ENOX1: variants seen among roughly 807,000 people sequenced by gnomAD.
ENOX1 encodes candidate growth-related and time keeping constitutive hydroquinone (NADH) oxidase.
In ENOX1, 42 loss-of-function variants were observed where a neutral mutation model predicts 82.5. The observed-to-expected ratio is 0.51, with a 90% CI of 0.40 to 0.66. The LOEUF (loss-of-function observed/expected upper bound fraction) is 0.66. Among genes scored for constraint, ENOX1 ranks in the 30% least tolerant of loss-of-function variants. The pLI is 0.00. For synonymous variants in ENOX1, 271 were observed against 282.2 expected (o/e 0.96, Z 0.40); for missense variants, 608 against 811.6 (o/e 0.75, Z 3.05).
chr13:43,623,821 A>T (rs1028157818), intron 2 of ENOX1, among the ~76,000 whole-genome samples: 3 of 152,174 alleles, frequency 2.0e-5, no homozygotes, highest in African/African-American at 7.2e-5. Flanking sequence ...TTGTTTAACC[A>T]TTTGCCCATT....
intron 1 of ENOX1, among the ~76,000 whole-genome samples, chr13:43,760,345 A>AT (rs1566892011): frequency 2.0e-5 from 3 of 152,154 alleles, no homozygotes; most frequent in Non-Finnish European, 4.4e-5. Context: ...AATTTATACT[A>AT]TTTTCAGTGC....
At chr13:43,358,320 C>T (rs1319526648) in intron 7 of ENOX1, among the ~76,000 whole-genome samples, 1 of 152,034 alleles carries the variant, frequency 6.6e-6, no homozygotes, top group African/African-American at 2.4e-5. Flanking sequence ...CTGTGCAGGT[C>T]CACTTATAGG....
Position 43,236,735 on chromosome 13 carries a change from T to C in ENOX1, c.1615A>G (p.Ile539Val). ...NGHSHEDSNE[I>V]NVLTVALVNQ... ...ACTAATGCAACTGTCAACACATTGA[T>C]TTCCTATAAAGTTAAAAGCCAAAAA... is the stretch of plus-strand genomic sequence containing the variant. The change falls in exon 15 of 17, where the codon ATC becomes GTC. Residue 539 changes from isoleucine to valine, a missense_variant. Physicochemically the swap from Ile to Val is conservative, Grantham distance 29. Coordinates refer to ENST00000690772, the MANE Select transcript of ENOX1 (RefSeq NM_001347969.2). The C allele has an allele frequency of 6.4e-7, 1 of 1,568,790 alleles. No individual in the cohort carries two copies. The highest frequency in any genetic ancestry group is 2.2e-5 in the Admixed American group (1 of 46,294).
intron 5 of ENOX1, among the ~76,000 whole-genome samples, chr13:43,389,877 T>C (rs973174664): frequency 3.3e-5 from 5 of 152,202 alleles, no homozygotes; most frequent in African/African-American, 1.2e-4. Context: ...ATGGCTGTCC[T>C]ATTCTTCCCT....
intron 3 of ENOX1, among the ~76,000 whole-genome samples, chr13:43,423,279 C>A (rs1183085306): frequency 1.3e-5 from 2 of 151,840 alleles, no homozygotes; most frequent in East Asian, 3.9e-4. Flanking sequence ...CCAAAATACA[C>A]AGACCATAAA....
At chr13:43,586,301 TA>T (rs1221293229) in intron 2 of ENOX1, among the ~76,000 whole-genome samples, 1 of 152,230 alleles carries the variant, frequency 6.6e-6, no homozygotes, top group Non-Finnish European at 1.5e-5. Context: ...CTTTACCTGA[TA>T]AAATATCTTT....
At chr13:43,556,424 G>T (rs2079438404) in intron 2 of ENOX1, among the ~76,000 whole-genome samples, 1 of 152,108 alleles carries the variant, frequency 6.6e-6, no homozygotes, top group Admixed American at 6.5e-5. Context: ...TTGCTTTGCA[G>T]TCATACTGTT....
chr13:43,678,915 G>A (rs2085647212), intron 1 of ENOX1, among the ~76,000 whole-genome samples: 1 of 152,162 alleles, frequency 6.6e-6, no homozygotes, highest in Admixed American at 6.5e-5. Flanking sequence ...TATTTACAAT[G>A]ACTCAATTTC....
At chr13:43,305,044 G>A (rs900448229) in intron 11 of ENOX1, among the ~76,000 whole-genome samples, 1 of 152,110 alleles carries the variant, frequency 6.6e-6, no homozygotes, top group South Asian at 2.1e-4. Context: ...CAAAGACAAG[G>A]ACCAGTACCA....
chr13:43,588,407 T>G (rs2081089831), intron 2 of ENOX1, among the ~76,000 whole-genome samples: 1 of 152,232 alleles, frequency 6.6e-6, no homozygotes, highest in Non-Finnish European at 1.5e-5. Flanking sequence ...GTAATCGTCA[T>G]AACGCTTACA....
intron 2 of ENOX1, among the ~76,000 whole-genome samples, chr13:43,565,143 G>C (rs1448842791): frequency 1.3e-5 from 2 of 152,134 alleles, no homozygotes; most frequent in East Asian, 3.9e-4. Flanking sequence ...TCATGGGGTG[G>C]AAGGCCCCTC....
At chr13:43,522,651 G>T (rs1398153078) in intron 2 of ENOX1, among the ~76,000 whole-genome samples, 1 of 152,134 alleles carries the variant, frequency 6.6e-6, no homozygotes, top group Admixed American at 6.6e-5. Context: ...AGGGGGCCTG[G>T]CAGGCACAGT....
At chr13:43,317,034 C>T (rs2047539388) in intron 11 of ENOX1, among the ~76,000 whole-genome samples, 1 of 152,194 alleles carries the variant, frequency 6.6e-6, no homozygotes, top group Admixed American at 6.5e-5. Context: ...AGATGGTGCC[C>T]TCGGCTGTCA....
intron 8 of ENOX1, among the ~76,000 whole-genome samples, chr13:43,350,697 G>T (rs565839825): frequency 1.3e-5 from 2 of 152,078 alleles, no homozygotes; most frequent in Non-Finnish European, 2.9e-5. Context: ...CACCCATCTC[G>T]GCCTCCCAAA....
intron 3 of ENOX1, among the ~76,000 whole-genome samples, chr13:43,415,232 G>GTTTTTTTTTTTTTTTTTTTTT (rs71202260): frequency 3.7e-5 from 2 of 54,640 alleles, no homozygotes; most frequent in Non-Finnish European, 3.1e-5. Context: ...CCAATCCAAT[G>GTTTTTTTTTTTTTTTTTTTTT]TTTTTTTTTT....
intron 1 of ENOX1, among the ~76,000 whole-genome samples, chr13:43,736,703 G>A (rs533291995): frequency 1.5e-4 from 23 of 152,252 alleles, no homozygotes; most frequent in Non-Finnish European, 3.2e-4. Context: ...GAGAATTAAG[G>A]GGACTGTCTA....
intron 8 of ENOX1, among the ~76,000 whole-genome samples, chr13:43,350,352 C>T (rs993693742): frequency 1.3e-5 from 2 of 152,146 alleles, no homozygotes; most frequent in Admixed American, 1.3e-4. Context: ...ATCTGAAAGT[C>T]CAGGGCATGG....
intron 1 of ENOX1, among the ~76,000 whole-genome samples, chr13:43,733,426 C>A (rs538719353): frequency 6.6e-6 from 1 of 152,264 alleles, no homozygotes; most frequent in East Asian, 1.9e-4. Flanking sequence ...CCTCTATGCA[C>A]AAATGAATCT....
intron 2 of ENOX1, among the ~76,000 whole-genome samples, chr13:43,646,278 A>C (rs897021309): frequency 3.9e-5 from 6 of 152,206 alleles, no homozygotes; most frequent in Admixed American, 1.3e-4. Flanking sequence ...CTAACTTGTT[A>C]CTTCACAGGC....
Sources: gnomAD v4.1 joint callset for allele counts (sites outside exome capture counted in the v4.1 genomes callset) on GRCh38, gnomAD v4.1.1 for gene constraint, MANE v1.5 for transcripts, NCBI Gene and HGNC (gene_info 2026-07-23, HGNC 2026-07-21) for gene names.